Variants in CLDN1 observed in about 807,000 individuals in gnomAD.
CLDN1 encodes claudin-1.
Under a neutral mutation model 22.6 loss-of-function variants are expected in CLDN1, and 12 were observed. The observed-to-expected ratio is 0.53, with a 90% confidence interval of 0.34 to 0.86. The LOEUF (loss-of-function observed/expected upper bound fraction) is 0.86. Among genes scored for constraint, CLDN1 ranks in the 40% least tolerant of loss-of-function variants. The probability of loss-of-function intolerance (pLI) is 0.02; values close to 1 mark genes in which losing one functional copy is unlikely to be tolerated. For missense variants in CLDN1, 250 were observed against 269.5 expected (o/e 0.93, Z 0.51); for synonymous variants, 99 against 103.8 (o/e 0.95, Z 0.28).
At chr3:190,308,482 G>T (rs777040506) in intron 3 of CLDN1, 43 bp from the exon 4 acceptor site, 1 of 1,592,390 alleles carries the variant, frequency 6.3e-7, no homozygotes, top group South Asian at 1.1e-5. Context: ...GTGAATTATT[G>T]GCAACTTTTC....
At chr3:190,313,196 T>C in intron 1 of CLDN1, 160 bp from the exon 2 acceptor site, 2 of 702,010 alleles carry the variant, frequency 2.8e-6, no homozygotes, top group East Asian at 2.7e-5. Flanking sequence ...TAACCCAATA[T>C]ACAGTATCTT....
chr3:190,309,508 T>C (rs1271219375), intron 3 of CLDN1, among the ~76,000 whole-genome samples: 1 of 152,218 alleles, frequency 6.6e-6, no homozygotes, highest in Non-Finnish European at 1.5e-5. Context: ...AATGTAGTTA[T>C]TAGGCATTAA....
chr3:190,313,251 C>T (rs1716675641), intron 1 of CLDN1: 3 of 566,510 alleles, frequency 5.3e-6, no homozygotes, highest in African/African-American at 1.9e-5. Context: ...AAAGAGATCC[C>T]TCCACTCCAA....
chr3:190,308,473 T>C (rs747194326), intron 3 of CLDN1, 34 bp from the exon 4 acceptor site: 2 of 1,607,148 alleles, frequency 1.2e-6, no homozygotes, highest in Non-Finnish European at 1.7e-6. Flanking sequence ...TGTTAATCAG[T>C]GAATTATTGG....
chr3:190,317,953 T>C (rs1406333926), intron 1 of CLDN1, among the ~76,000 whole-genome samples: 8 of 152,228 alleles, frequency 5.3e-5, no homozygotes, highest in Non-Finnish European at 1.5e-5. Flanking sequence ...GAACTGATGA[T>C]TGGGTGACTA....
At chr3:190,313,580 G>A (rs1577389379) in intron 1 of CLDN1, among the ~76,000 whole-genome samples, 1 of 152,144 alleles carries the variant, frequency 6.6e-6, no homozygotes, top group Non-Finnish European at 1.5e-5. Flanking sequence ...AGCAGTATTT[G>A]TATCTCCAGT....
intron 1 of CLDN1, among the ~76,000 whole-genome samples, chr3:190,316,552 C>A (rs954470197): frequency 1.3e-5 from 2 of 152,192 alleles, no homozygotes; most frequent in Admixed American, 1.3e-4. Context: ...ATGTGCAGAT[C>A]AAATCTAAAT....
intron 3 of CLDN1, among the ~76,000 whole-genome samples, chr3:190,309,050 T>C (rs575453802): frequency 6.6e-5 from 10 of 151,864 alleles, no homozygotes; most frequent in East Asian, 3.9e-4. Flanking sequence ...TAGAGAAGGG[T>C]TGGTTCTATA....
At chr3:190,319,573 A>G (rs1328723926) in intron 1 of CLDN1, among the ~76,000 whole-genome samples, 1 of 152,188 alleles carries the variant, frequency 6.6e-6, no homozygotes, top group African/African-American at 2.4e-5. Flanking sequence ...GCAGGGAAAC[A>G]ACAGATTTTA....
intron 1 of CLDN1, 42 bp from the exon 2 acceptor site, chr3:190,313,078 C>G (rs1484210245): frequency 6.8e-6 from 11 of 1,611,232 alleles, no homozygotes; most frequent in African/African-American, 1.3e-5. Flanking sequence ...TATGCTTGGA[C>G]CAACAAGAGA....
chr3:190,316,926 G>C (rs1367433389), intron 1 of CLDN1, among the ~76,000 whole-genome samples: 1 of 152,152 alleles, frequency 6.6e-6, no homozygotes, highest in Non-Finnish European at 1.5e-5. Flanking sequence ...CTGATAACTA[G>C]AAACTCATGC....
chr3:190,322,340 C>T lies in CLDN1; in HGVS notation c.-134G>A. Reference sequence around the variant, plus strand: ...TTAAGGCGGGGAGCCCTGCTCGCTGCGCCGCCGCTGGAGAAGCTCTGGGTC... The same window carrying T: ...TTAAGGCGGGGAGCCCTGCTCGCTGTGCCGCCGCTGGAGAAGCTCTGGGTC... On this transcript the variant is annotated 5_prime_UTR_variant, in exon 1 of 4. Transcript: ENST00000295522. The T allele has an allele frequency of 1.2e-6, 1 of 812,532 alleles. No individual in the cohort carries two copies. Among genetic ancestry groups the T allele is most frequent in the Non-Finnish European group, 2.0e-6 (1 of 494,674 alleles). 50.3% of individuals were successfully genotyped at this position (812,532 alleles called of 1,614,324 possible).
intron 3 of CLDN1, among the ~76,000 whole-genome samples, chr3:190,309,207 C>A (rs1716542656): frequency 6.6e-6 from 1 of 152,162 alleles, no homozygotes; most frequent in Non-Finnish European, 1.5e-5. Flanking sequence ...GGATCACATG[C>A]AATAATGTAA....
intron 2 of CLDN1, among the ~76,000 whole-genome samples, chr3:190,312,245 T>C (rs1196034050): frequency 1.3e-5 from 2 of 152,156 alleles, no homozygotes; most frequent in Non-Finnish European, 2.9e-5. Context: ...AAACACGTAT[T>C]TATTTTAAAT....
chr3:190,313,942 C>T (rs1177151988), intron 1 of CLDN1, among the ~76,000 whole-genome samples: 1 of 152,116 alleles, frequency 6.6e-6, no homozygotes, highest in African/African-American at 2.4e-5. Flanking sequence ...TGAACTGAAA[C>T]TATGCTGGTT....
At chr3:190,313,556 A>G (rs887033914) in intron 1 of CLDN1, among the ~76,000 whole-genome samples, 2 of 152,230 alleles carry the variant, frequency 1.3e-5, no homozygotes, top group African/African-American at 4.8e-5. Context: ...TTTATAGATT[A>G]TCATGGCTGG....
At position 190,312,629 on chromosome 3, in the gene CLDN1, AGACTGGTTCT is replaced by A. The variant is rs377033587; in HGVS notation, c.388+233_388+242del. Among the ~76,000 whole-genome samples the A allele has an allele frequency of 3.4e-3, 516 of 152,334 alleles. 1 individual carries two copies. Among genetic ancestry groups the A allele is most frequent in the African/African-American group, 0.012 (488 of 41,580 alleles). On this transcript the variant is annotated intron_variant, in intron 2 of 3. Coordinates refer to ENST00000295522, the MANE Select transcript of CLDN1 (RefSeq NM_021101.5). ...AGTGAACAACTTTCTTCACTGGAAG[AGACTGGTTCT>A]AACAAACCAGTTGCCACTTGAAACT...
chr3:190,315,270 A>T (rs1464521303), intron 1 of CLDN1, among the ~76,000 whole-genome samples: 1 of 152,158 alleles, frequency 6.6e-6, no homozygotes, highest in African/African-American at 2.4e-5. Context: ...GAAACCACAT[A>T]TCTCAGTTTG....
chr3:190,313,199 A>G, intron 1 of CLDN1, 163 bp from the exon 2 acceptor site: 1 of 690,856 alleles, frequency 1.4e-6, no homozygotes, highest in Non-Finnish European at 2.4e-6. Context: ...CCCAATATAC[A>G]GTATCTTCTC....
Sources: allele counts gnomAD v4.1 joint callset (sites outside exome capture counted in the v4.1 genomes callset), GRCh38; gene constraint gnomAD v4.1.1; transcripts MANE v1.5; gene names NCBI Gene and HGNC (gene_info 2026-07-23, HGNC 2026-07-21).